CACNA1E: variants seen among roughly 807,000 people sequenced by gnomAD.
The protein encoded by CACNA1E is calcium voltage-gated channel subunit alpha1 E.
In CACNA1E, 40 loss-of-function variants were observed where a neutral mutation model predicts 259.2. That is an observed-to-expected ratio of 0.15 (90% confidence interval 0.12 to 0.20). The LOEUF (loss-of-function observed/expected upper bound fraction) is 0.20. Ranked by LOEUF, CACNA1E falls within the 10% of genes least tolerant of loss-of-function variation. The pLI, the probability that CACNA1E is intolerant of heterozygous loss-of-function variation, is 1.00. For synonymous variants in CACNA1E, 1,104 were observed against 1,138.5 expected, an observed-to-expected ratio of 0.97 and a Z score of 0.61; for missense variants, 1,874 against 3,040.1, an observed-to-expected ratio of 0.62 and a Z score of 9.02.
At chr1:181,660,507 G>A (rs1178660364) in intron 7 of CACNA1E, among the ~76,000 whole-genome samples, 4 of 152,248 alleles carry the variant, frequency 2.6e-5, no homozygotes, top group Middle Eastern at 3.4e-3. Flanking sequence ...ATCTTGCAAG[G>A]CATTGTTGAG....
chr1:181,361,740 A>T (rs1467624006), intron 1 of CACNA1E, among the ~76,000 whole-genome samples: 1 of 152,090 alleles, frequency 6.6e-6, no homozygotes, highest in Non-Finnish European at 1.5e-5. Context: ...TGTAAGGGGG[A>T]AGGGGATTAG....
chr1:181,530,725 G>T (rs146581009), intron 3 of CACNA1E, among the ~76,000 whole-genome samples: 29 of 152,258 alleles, frequency 1.9e-4, no homozygotes, highest in African/African-American at 6.7e-4. Flanking sequence ...CATCCCTTCT[G>T]CTGGCCAGTA....
chr1:181,532,959 G>A (rs1486352031), intron 3 of CACNA1E, among the ~76,000 whole-genome samples: 2 of 152,224 alleles, frequency 1.3e-5, no homozygotes, highest in Non-Finnish European at 2.9e-5. Context: ...CAATGGGACT[G>A]TTGCCTAGCT....
intron 3 of CACNA1E, among the ~76,000 whole-genome samples, chr1:181,534,995 AG>A (rs1245844194): frequency 6.6e-6 from 1 of 152,202 alleles, no homozygotes; most frequent in African/African-American, 2.4e-5. Flanking sequence ...GCCAACCAAA[AG>A]TAAGTGAACA....
chr1:181,352,696 G>T (rs1321040695), intron 1 of CACNA1E, among the ~76,000 whole-genome samples: 7 of 152,212 alleles, frequency 4.6e-5, no homozygotes, highest in Non-Finnish European at 1.0e-4. Context: ...GCAATTTGGA[G>T]ACATCAACTA....
At chr1:181,710,646 T>A (rs1653259012) in intron 7 of CACNA1E, among the ~76,000 whole-genome samples, 1 of 152,080 alleles carries the variant, frequency 6.6e-6, no homozygotes, top group Admixed American at 6.5e-5. Flanking sequence ...GCTGAAGAGG[T>A]GGAACATGGC....
intron 1 of CACNA1E, among the ~76,000 whole-genome samples, chr1:181,502,849 C>A (rs996076406): frequency 6.6e-6 from 1 of 152,198 alleles, no homozygotes; most frequent in African/African-American, 2.4e-5. Flanking sequence ...CAGGTGCCCA[C>A]CACCATGTCT....
At chr1:181,568,264 G>T (rs1257300504) in intron 3 of CACNA1E, among the ~76,000 whole-genome samples, 1 of 152,154 alleles carries the variant, frequency 6.6e-6, no homozygotes, top group African/African-American at 2.4e-5. Flanking sequence ...TGTTGTCAGG[G>T]AAGGCTGCTG....
At chr1:181,463,834 T>C (rs1661974886) in intron 2 of CACNA1E, among the ~76,000 whole-genome samples, 1 of 152,172 alleles carries the variant, frequency 6.6e-6, no homozygotes, top group Non-Finnish European at 1.5e-5. Context: ...ATTTTTTTGA[T>C]GATTTTTGTT....
At chr1:181,740,949 T>C (rs1391556889) in intron 25 of CACNA1E, among the ~76,000 whole-genome samples, 3 of 152,206 alleles carry the variant, frequency 2.0e-5, no homozygotes, top group African/African-American at 7.2e-5. Context: ...TTCCGTCTTC[T>C]TGGAAAGAAG....
At chr1:181,468,940 G>A (rs981987478) in intron 2 of CACNA1E, among the ~76,000 whole-genome samples, 1 of 152,158 alleles carries the variant, frequency 6.6e-6, no homozygotes, top group Non-Finnish European at 1.5e-5. Flanking sequence ...TAGACTGGAT[G>A]ACATTTAAGT....
intron 2 of CACNA1E, among the ~76,000 whole-genome samples, chr1:181,426,189 T>C (rs558503818): frequency 1.3e-5 from 2 of 151,738 alleles, no homozygotes; most frequent in South Asian, 2.1e-4. Context: ...CTCCTGTCAC[T>C]CCATCTCAAC....
chr1:181,702,628 C>A (rs1328511019), intron 7 of CACNA1E, among the ~76,000 whole-genome samples: 1 of 152,172 alleles, frequency 6.6e-6, no homozygotes, highest in East Asian at 1.9e-4. Flanking sequence ...CCACTCTAGT[C>A]ACATTGGCTC....
intron 6 of CACNA1E, among the ~76,000 whole-genome samples, chr1:181,616,447 G>C (rs1051780338): frequency 3.9e-5 from 6 of 152,240 alleles, no homozygotes; most frequent in African/African-American, 1.4e-4. Context: ...GGGGACAGTG[G>C]CTCACTCCTA....
intron 3 of CACNA1E, among the ~76,000 whole-genome samples, chr1:181,522,168 C>G (rs1049576332): frequency 2.0e-5 from 3 of 152,176 alleles, no homozygotes; most frequent in Non-Finnish European, 4.4e-5. Context: ...CCCTTTCTTC[C>G]TTCTTGCCCC....
intron 7 of CACNA1E, among the ~76,000 whole-genome samples, chr1:181,677,972 C>G (rs1649546809): frequency 6.6e-6 from 1 of 152,134 alleles, no homozygotes; most frequent in African/African-American, 2.4e-5. Flanking sequence ...GACCTCACAG[C>G]AGAGGGAATT....
At chr1:181,440,428 C>T (rs1660384389) in intron 2 of CACNA1E, among the ~76,000 whole-genome samples, 1 of 148,228 alleles carries the variant, frequency 6.7e-6, no homozygotes, top group Non-Finnish European at 1.5e-5. Context: ...GCAGGGTGGC[C>T]CAGGGGAGGT....
intron 7 of CACNA1E, among the ~76,000 whole-genome samples, chr1:181,704,792 C>T (rs1159070952): frequency 2.0e-5 from 3 of 152,164 alleles, no homozygotes; most frequent in Non-Finnish European, 4.4e-5. Flanking sequence ...AAGCTCCCTG[C>T]ATGGAGCCGG....
chr1:181,423,662 A>ATTTTTTTTTTTTTTTTTTTTT (rs11302089), intron 2 of CACNA1E, among the ~76,000 whole-genome samples: 26 of 131,048 alleles, frequency 2.0e-4, no homozygotes, highest in African/African-American at 4.6e-4. Flanking sequence ...CATTGGGCCA[A>ATTTTTTTTTTTTTTTTTTTTT]TTTTTTTTTT....
Sources: gnomAD v4.1 joint callset for allele counts (sites outside exome capture counted in the v4.1 genomes callset) on GRCh38, gnomAD v4.1.1 for gene constraint, MANE v1.5 for transcripts, NCBI Gene and HGNC (gene_info 2026-07-23, HGNC 2026-07-21) for gene names.